The following CELA2A variants were observed in gnomAD, a reference collection of about 807,000 sequenced individuals.
CELA2A encodes chymotrypsin like elastase 2A, also known as chymotrypsin-like elastase family member 2A.
Under a neutral mutation model 35.3 loss-of-function variants are expected in CELA2A, and 31 were observed. The observed-to-expected ratio is 0.88, with a 90% CI of 0.66 to 1.19. The LOEUF (loss-of-function observed/expected upper bound fraction) is 1.19, where lower values mean the gene tolerates loss of function less well. Ranked by LOEUF, CELA2A falls within the 50% of genes most tolerant of loss-of-function variation. The pLI is 0.00. For missense variants in CELA2A, 330 were observed against 352.9 expected, an observed-to-expected ratio of 0.94 and a Z score of 0.52; for synonymous variants, 150 against 149.8, an observed-to-expected ratio of 1.00 and a Z score of -0.01.
At chr1:15,460,805 G>A (rs1277223537) in intron 2 of CELA2A, among the ~76,000 whole-genome samples, 1 of 152,024 alleles carries the variant, frequency 6.6e-6, no homozygotes, top group African/African-American at 2.4e-5. Flanking sequence ...CTGAGTAACC[G>A]GGACTATAGG....
chr1:15,464,667 C>G lies in CELA2A; in HGVS notation c.493+1145C>G, dbSNP rs141013130. Among the ~76,000 whole-genome samples, 20 of 152,134 alleles carry G rather than the reference C, an allele frequency of 1.3e-4. 1 individual carries two copies. Among genetic ancestry groups the G allele is most frequent in the Admixed American group, 1.3e-3 (20 of 15,284 alleles). On this transcript the variant is annotated intron_variant, in intron 5 of 7. Coordinates refer to ENST00000359621, the MANE Select transcript of CELA2A (RefSeq NM_033440.3). ...AAACACAAGGACACATCAAATCCTG[C>G]GGTGAGCGGTGGTGGAAGAGGCATT...
Position 15,466,031 on chromosome 1 carries a change from G to A in CELA2A, c.526G>A (p.Gly176Ser). The A allele has an allele frequency of 6.2e-7, 1 of 1,614,164 alleles. No homozygotes were observed. The part of the protein sequence containing the change: ...NGAVPDVLQQ[G>S]RLLVVDYATC... ...GGCTGTTCCTGATGTCCTGCAGCAG[G>A]GCCGGTTGCTGGTTGTGGACTATGC... Residue 176 changes from glycine to serine, a missense_variant, in exon 6 of 8, where the codon GGC (glycine) becomes AGC (serine). Physicochemically the swap from Gly to Ser is moderately conservative, Grantham distance 56. Transcript: ENST00000359621.
chr1:15,457,975 C>T (rs896185558), intron 2 of CELA2A, among the ~76,000 whole-genome samples: 4 of 152,094 alleles, frequency 2.6e-5, no homozygotes, highest in African/African-American at 4.8e-5. Context: ...ATTACTCAGA[C>T]GTGTTAATGG....
chr1:15,464,145 C>T (rs919114273), intron 5 of CELA2A, among the ~76,000 whole-genome samples: 1 of 152,118 alleles, frequency 6.6e-6, no homozygotes, highest in African/African-American at 2.4e-5. Flanking sequence ...GGGGTAGGTG[C>T]TGTGTTAGTT....
Position 15,463,792 on chromosome 1 carries a change from G to A in CELA2A, c.493+270G>A, listed in dbSNP as rs186656502. 2.0e-3 allele frequency among the ~76,000 whole-genome samples: 306 copies of A among 152,144 alleles called. 1 individual carries two copies. The highest frequency in any genetic ancestry group is 7.0e-3 in the African/African-American group (292 of 41,494). On this transcript the variant is annotated intron_variant, in intron 5 of 7. Coordinates refer to ENST00000359621, the MANE Select transcript of CELA2A (RefSeq NM_033440.3). ...TGGCTGGGCGCAGTGGCTCATACCT[G>A]TAATCCCAGCACTTTGGGAGGCCCA... is the stretch of plus-strand genomic sequence containing the variant.
At chr1:15,461,538 A>T in intron 2 of CELA2A, 23 bp from the exon 3 acceptor site, 1 of 1,611,366 alleles carries the variant, frequency 6.2e-7, no homozygotes, top group Non-Finnish European at 8.5e-7. Context: ...ACCTAGCCAC[A>T]GAGCTCCTTT....
chr1:15,467,420 CTGACGGCCGGTGGCAGG>C lies in CELA2A; in HGVS notation c.677_693del (p.Asp226AlafsTer38), dbSNP rs1241273130. ...GGCGGGCCACTGAACTGTCAGGCGT[CTGACGGCCGGTGGCAGG>C]TGCACGGCATCGTCAGCTTCGGGTC... On this transcript the variant is annotated frameshift_variant, in exon 7 of 8. Transcript: ENST00000359621. LOFTEE classifies it high-confidence loss of function. 1 of 1,613,828 alleles carries C rather than the reference CTGACGGCCGGTGGCAGG, an allele frequency of 6.2e-7. No homozygotes were observed. Among genetic ancestry groups the C allele is most frequent in the Non-Finnish European group, 8.5e-7 (1 of 1,180,052 alleles).
At chr1:15,457,488 T>C in intron 2 of CELA2A, 1 of 263,660 alleles carries the variant, frequency 3.8e-6, no homozygotes, top group Non-Finnish European at 7.4e-6. Context: ...CACACGCCTG[T>C]AATCCCAGCA....
chr1:15,457,929 A>G (rs1488079544), intron 2 of CELA2A, among the ~76,000 whole-genome samples: 1 of 152,238 alleles, frequency 6.6e-6, no homozygotes, highest in Admixed American at 6.5e-5. Context: ...TCATAGTGGT[A>G]TCAAGACTAA....
At chr1:15,461,431 TA>T (rs1708432023) in intron 2 of CELA2A, 129 bp from the exon 3 acceptor site, 10 of 878,208 alleles carry the variant, frequency 1.1e-5, no homozygotes, top group Non-Finnish European at 1.6e-5. Context: ...GGTGCTGCCT[TA>T]AGTTGTGCAC....
At chr1:15,457,310 T>C (rs1708375761) in intron 2 of CELA2A, 136 bp downstream of exon 2, 4 of 807,332 alleles carry the variant, frequency 5.0e-6, no homozygotes, top group East Asian at 2.7e-5. Flanking sequence ...CAGGCAACTT[T>C]AGCAATAAGA....
chr1:15,471,975 T>TTGTG lies in CELA2A; in HGVS notation c.793-11_793-8dup. Reference sequence around the variant, plus strand: ...CGGTTAGGTGAACCTGACGATTATCTTGTGTGTCCTGCAGGTGATTGCAAA... The same window carrying TTGTG: ...CGGTTAGGTGAACCTGACGATTATCTTGTGTGTGTGTCCTGCAGGTGATTGCAAA... On this transcript the variant is annotated splice_polypyrimidine_tract_variant and intron_variant, in intron 7 of 7. Coordinates refer to ENST00000359621, the MANE Select transcript of CELA2A (RefSeq NM_033440.3). 4 of 1,614,126 alleles carry TTGTG rather than the reference T, an allele frequency of 2.5e-6. No homozygotes were observed. Among genetic ancestry groups the TTGTG allele is most frequent in the South Asian group, 1.1e-5 (1 of 91,090 alleles).
intron 2 of CELA2A, among the ~76,000 whole-genome samples, chr1:15,459,101 C>T (rs1570794993): frequency 3.3e-5 from 5 of 151,818 alleles, no homozygotes. Flanking sequence ...GGCCATCTAC[C>T]TGCCTCAGCC....
rs376252962 is a variant in CELA2A at position 15,466,003 on chromosome 1, C to T, written c.498C>T (p.Asn166=). 3.3e-5 allele frequency: 54 copies of T among 1,614,010 alleles called. No homozygotes were observed. Among genetic ancestry groups the T allele is most frequent in the Admixed American group, 5.0e-5 (3 of 60,004 alleles). ...YVTGWGRLQT[N]GAVPDVLQQG... ...CTTCTCTCTGATCTCATTCAGCCAA[C>T]GGGGCTGTTCCTGATGTCCTGCAGC... Residue 166 remains asparagine, a synonymous_variant, in exon 6 of 8, where the codon AAC becomes AAT. Transcript: ENST00000359621.
chr1:15,469,538 T>G (rs1174131419), intron 7 of CELA2A, among the ~76,000 whole-genome samples: 1 of 152,168 alleles, frequency 6.6e-6, no homozygotes, highest in Non-Finnish European at 1.5e-5. Flanking sequence ...AAAACTAAAC[T>G]GTCAAAATAA....
intron 5 of CELA2A, among the ~76,000 whole-genome samples, chr1:15,465,105 G>C: frequency 7.3e-6 from 1 of 137,906 alleles, no homozygotes; most frequent in Non-Finnish European, 1.5e-5. Context: ...TCTGCCTCCC[G>C]AGCTCAAGCG....
chr1:15,467,766 A>G (rs529713873), intron 7 of CELA2A, among the ~76,000 whole-genome samples: 1 of 152,266 alleles, frequency 6.6e-6, no homozygotes, highest in East Asian at 1.9e-4. Context: ...GGCCTTGTCC[A>G]AAGAGGTTGG....
At chr1:15,466,735 G>A (rs1035386081) in intron 6 of CELA2A, among the ~76,000 whole-genome samples, 5 of 152,168 alleles carry the variant, frequency 3.3e-5, no homozygotes, top group African/African-American at 4.8e-5. Context: ...GGAACCAAAG[G>A]AAAGTATTCC....
At chr1:15,467,657 C>T (rs1708539221) in intron 7 of CELA2A, 119 bp downstream of exon 7, 7 of 1,300,560 alleles carry the variant, frequency 5.4e-6, no homozygotes, top group Non-Finnish European at 7.4e-6. Flanking sequence ...AGATGGGAAC[C>T]CCTTGGAGGA....
Sources: gnomAD v4.1 joint callset for allele counts (sites outside exome capture counted in the v4.1 genomes callset) on GRCh38, gnomAD v4.1.1 for gene constraint, MANE v1.5 for transcripts, NCBI Gene and HGNC (gene_info 2026-07-23, HGNC 2026-07-21) for gene names.